PTPRQ: variants seen among roughly 807,000 people sequenced by gnomAD.
PTPRQ encodes phosphatidylinositol phosphatase PTPRQ.
Under a neutral mutation model 246.0 loss-of-function variants are expected in PTPRQ, and 199 were observed. The observed-to-expected ratio is 0.81, with a 90% CI of 0.72 to 0.91. The LOEUF (loss-of-function observed/expected upper bound fraction) is 0.91. Ranked by LOEUF, PTPRQ falls within the 40% of genes least tolerant of loss-of-function variation. PTPRQ has a pLI of 0.00. For missense variants in PTPRQ, 2,624 were observed against 2,528.4 expected, an observed-to-expected ratio of 1.04 and a Z score of -0.81; for synonymous variants, 869 against 853.2, an observed-to-expected ratio of 1.02 and a Z score of -0.32.
At chr12:80,642,112 A>G (rs1230164820) in intron 35 of PTPRQ, among the ~76,000 whole-genome samples, 2 of 152,186 alleles carry the variant, frequency 1.3e-5, no homozygotes, top group Non-Finnish European at 1.5e-5. Flanking sequence ...CATTTGTGTT[A>G]GTCAGAACCT....
At chr12:80,448,278 G>A (rs1240509737) in intron 3 of PTPRQ, among the ~76,000 whole-genome samples, 1 of 151,988 alleles carries the variant, frequency 6.6e-6, no homozygotes, top group Non-Finnish European at 1.5e-5. Context: ...TCAAGTCTAG[G>A]ATTATTATTT....
chr12:80,493,591 G>A (rs1730834663), intron 10 of PTPRQ, 136 bp downstream of exon 10: 11 of 1,285,350 alleles, frequency 8.6e-6, no homozygotes, highest in South Asian at 5.7e-5. Flanking sequence ...TTTAGCTGTC[G>A]GAAAACCTCA....
intron 17 of PTPRQ, among the ~76,000 whole-genome samples, chr12:80,515,262 GTTATCT>G (rs1285629415): frequency 1.3e-5 from 2 of 152,032 alleles, no homozygotes; most frequent in African/African-American, 4.8e-5. Context: ...CTGACACTCA[GTTATCT>G]TTGGTTCCTG....
At chr12:80,619,581 G>T in intron 31 of PTPRQ, 39 bp downstream of exon 31, 2 of 1,453,542 alleles carry the variant, frequency 1.4e-6, no homozygotes, top group East Asian at 5.1e-5. Flanking sequence ...AAATTGTGGA[G>T]TGTAGATTAC....
intron 39 of PTPRQ, 39 bp from the exon 40 acceptor site, chr12:80,668,968 G>T: frequency 1.3e-6 from 2 of 1,518,562 alleles, no homozygotes; most frequent in South Asian, 2.6e-5. Context: ...CTGTATCTGT[G>T]AACACAGTGA....
chr12:80,622,005 C>T, intron 32 of PTPRQ, 56 bp from the exon 33 acceptor site: 1 of 1,123,340 alleles, frequency 8.9e-7, no homozygotes, highest in Non-Finnish European at 1.2e-6. Context: ...TTGAGTTATT[C>T]ATAGGAAAAA....
In PTPRQ at chr12:80,578,339, T is replaced by A. The variant is rs546542754; in HGVS notation, c.4286-9790T>A. Reference sequence around the variant, plus strand: ...TGGGGTGTTTGGTTTTTAAAATAAATTTTTTTTCCCATCCCAAAAAATCAG... The same window carrying A: ...TGGGGTGTTTGGTTTTTAAAATAAAATTTTTTTCCCATCCCAAAAAATCAG... On this transcript the variant is annotated intron_variant, in intron 25 of 44. Coordinates refer to ENST00000644991, the MANE Select transcript of PTPRQ (RefSeq NM_001145026.2). Among the ~76,000 whole-genome samples the A allele has an allele frequency of 1.3e-3, 191 of 148,888 alleles. 2 individuals carry two copies. The highest frequency in any genetic ancestry group is 4.6e-3 in the African/African-American group (187 of 40,540).
chr12:80,453,342 G>A (rs1016821186), intron 3 of PTPRQ, among the ~76,000 whole-genome samples: 57 of 152,056 alleles, frequency 3.7e-4, no homozygotes, highest in Non-Finnish European at 5.7e-4. Context: ...TAGTTTGATC[G>A]TCCGAAGCCT....
At chr12:80,518,164 A>T (rs1444416578) in intron 17 of PTPRQ, among the ~76,000 whole-genome samples, 2 of 152,010 alleles carry the variant, frequency 1.3e-5, no homozygotes, top group African/African-American at 4.8e-5. Flanking sequence ...TGTCTTTTGG[A>T]GAAGAGCTAT....
chr12:80,472,250 T>C lies in PTPRQ; in HGVS notation c.1185T>C (p.Asp395=). 1 of 1,551,474 alleles carries C rather than the reference T, an allele frequency of 6.4e-7. No homozygotes were observed. The highest frequency in any genetic ancestry group is 8.7e-7 in the Non-Finnish European group (1 of 1,146,930). Residue 395 remains aspartate (D), a splice_region_variant and synonymous_variant, in exon 8 of 45, where the codon GAT becomes GAC. Coordinates refer to ENST00000644991, the MANE Select transcript of PTPRQ (RefSeq NM_001145026.2). ...KSNISVFTPP[D]VPGAVFDLQL... is the part of the protein sequence containing the mutation. The stretch of plus-strand genomic sequence containing the variant: ...ATATTTCAGTATTCACTCCACCAGA[T>C]GGTAAGAACATAGGGAATGAGTGAG...
At chr12:80,605,549 G>T (rs1424735855) in intron 27 of PTPRQ, among the ~76,000 whole-genome samples, 1 of 151,136 alleles carries the variant, frequency 6.6e-6, no homozygotes, top group Non-Finnish European at 1.5e-5. Flanking sequence ...CTGGTTTACA[G>T]TACGGTAGAA....
Position 80,541,843 on chromosome 12 carries a change from A to G in PTPRQ, c.3443A>G (p.Asp1148Gly). ...CAGCTATACATCAAGACTGAAGAAGATGGTAGGCTAGACCCTTTTATTGTC... is the reference window on the plus strand; with the variant it reads ...CAGCTATACATCAAGACTGAAGAAGGTGGTAGGCTAGACCCTTTTATTGTC... ...TAQLYIKTEE[D>G]VPETSPIINT... The change falls in exon 21 of 45, where the codon GAT becomes GGT. Residue 1148 changes from aspartate to glycine, a missense_variant and splice_region_variant. Transcript: ENST00000644991. 1 of 1,535,682 alleles carries G rather than the reference A, an allele frequency of 6.5e-7. No individual in the cohort carries two copies.
chr12:80,485,113 A>G (rs1170675443), intron 9 of PTPRQ, among the ~76,000 whole-genome samples: 1 of 152,132 alleles, frequency 6.6e-6, no homozygotes, highest in Non-Finnish European at 1.5e-5. Flanking sequence ...AATAAAAGAA[A>G]TTTAAGTCGT....
At chr12:80,523,917 C>G (rs936329625) in intron 17 of PTPRQ, among the ~76,000 whole-genome samples, 1 of 152,088 alleles carries the variant, frequency 6.6e-6, no homozygotes, top group African/African-American at 2.4e-5. Flanking sequence ...TCCTGGATAT[C>G]CTTGTTAACT....
intron 25 of PTPRQ, among the ~76,000 whole-genome samples, chr12:80,557,858 C>T (rs919311424): frequency 1.3e-4 from 20 of 152,048 alleles, no homozygotes; most frequent in African/African-American, 4.1e-4. Context: ...CAATTCCTGC[C>T]CACCATCCTG....
At chr12:80,650,296 C>A in intron 37 of PTPRQ, among the ~76,000 whole-genome samples, 1 of 147,408 alleles carries the variant, frequency 6.8e-6, no homozygotes. Context: ...CACTTTAAAT[C>A]TACTTAAAAG....
intron 25 of PTPRQ, among the ~76,000 whole-genome samples, chr12:80,586,342 T>C (rs969622738): frequency 7.3e-5 from 11 of 150,728 alleles, no homozygotes; most frequent in African/African-American, 2.0e-4. Context: ...AAAACCACAA[T>C]GAGATACCAT....
intron 20 of PTPRQ, among the ~76,000 whole-genome samples, 160 bp downstream of exon 20, chr12:80,540,104 A>T (rs1273683074): frequency 6.6e-6 from 1 of 152,222 alleles, no homozygotes; most frequent in East Asian, 1.9e-4. Flanking sequence ...AAACTATTGC[A>T]GTAATAGCCT....
intron 42 of PTPRQ, among the ~76,000 whole-genome samples, chr12:80,672,258 G>A (rs11114561): frequency 0.21 from 31,016 of 151,232 alleles, 5,168 homozygotes; most frequent in African/African-American, 0.45. Context: ...CAGGTGCCCA[G>A]AACAGTGTTT....
Sources: gnomAD v4.1 joint callset for allele counts (sites outside exome capture counted in the v4.1 genomes callset) on GRCh38, gnomAD v4.1.1 for gene constraint, MANE v1.5 for transcripts, NCBI Gene and HGNC (gene_info 2026-07-23, HGNC 2026-07-21) for gene names.